Variants in GRIN2A observed in about 807,000 individuals in gnomAD.
The protein encoded by GRIN2A is glutamate ionotropic receptor NMDA type subunit 2A.
GRIN2A carries 22 observed loss-of-function variants against 113.4 expected under a neutral mutation model. That is an observed-to-expected ratio of 0.19 (90% confidence interval 0.14 to 0.28). GRIN2A has a LOEUF of 0.28. Among genes scored for constraint, GRIN2A ranks in the 10% least tolerant of loss-of-function variants. The pLI is 1.00. For synonymous variants in GRIN2A, 827 were observed against 738.4 expected, an observed-to-expected ratio of 1.12 and a Z score of -1.94; for missense variants, 1,502 against 1,887.0, an observed-to-expected ratio of 0.80 and a Z score of 3.78.
chr16:10,063,183 T>C (rs192642711), intron 2 of GRIN2A, among the ~76,000 whole-genome samples: 2 of 152,116 alleles, frequency 1.3e-5, no homozygotes, highest in Non-Finnish European at 2.9e-5. Flanking sequence ...TGGGTATACA[T>C]GGATATAAAA....
intron 11 of GRIN2A, among the ~76,000 whole-genome samples, chr16:9,779,955 G>C (rs1041138056): frequency 6.6e-6 from 1 of 152,198 alleles, no homozygotes; most frequent in Non-Finnish European, 1.5e-5. Flanking sequence ...CATTAAATCT[G>C]AGGTCAGGTT....
chr16:10,175,554 C>T (rs550078980), intron 2 of GRIN2A, among the ~76,000 whole-genome samples: 2 of 152,258 alleles, frequency 1.3e-5, no homozygotes, highest in South Asian at 4.2e-4. Context: ...AAGTGCTCTA[C>T]AATGAAAAGG....
chr16:10,020,480 C>T (rs369583127), intron 2 of GRIN2A, among the ~76,000 whole-genome samples: 11 of 152,190 alleles, frequency 7.2e-5, no homozygotes, highest in African/African-American at 2.4e-4. Flanking sequence ...GGGAGTTCTG[C>T]ACGTTATTAT....
chr16:9,878,058 T>A (rs2043406815), intron 4 of GRIN2A, among the ~76,000 whole-genome samples: 1 of 152,026 alleles, frequency 6.6e-6, no homozygotes, highest in Non-Finnish European at 1.5e-5. Context: ...ATTTAAATAA[T>A]CTATTTGCTC....
At chr16:9,773,302 G>A (rs2141163310) in intron 11 of GRIN2A, among the ~76,000 whole-genome samples, 1 of 152,346 alleles carries the variant, frequency 6.6e-6, no homozygotes, top group Middle Eastern at 3.4e-3. Context: ...AAGCAAAGGG[G>A]AACTTGCAGC....
intron 2 of GRIN2A, among the ~76,000 whole-genome samples, chr16:10,170,880 TAA>T (rs34463380): frequency 0.075 from 10,731 of 143,558 alleles, 413 homozygotes; most frequent in African/African-American, 0.11. Flanking sequence ...CTGTTTTCTT[TAA>T]AAAAAAAAAA....
At chr16:10,013,975 T>C (rs1445993233) in intron 2 of GRIN2A, among the ~76,000 whole-genome samples, 1 of 152,234 alleles carries the variant, frequency 6.6e-6, no homozygotes, top group Non-Finnish European at 1.5e-5. Flanking sequence ...GCTCCTCTGT[T>C]GAATGATATT....
At chr16:10,145,459 T>C (rs1426752349) in intron 2 of GRIN2A, among the ~76,000 whole-genome samples, 4 of 152,102 alleles carry the variant, frequency 2.6e-5, no homozygotes, top group Non-Finnish European at 5.9e-5. Context: ...TCAAATTATG[T>C]ATATTAAACA....
At chr16:9,989,502 C>T (rs1269165379) in intron 2 of GRIN2A, among the ~76,000 whole-genome samples, 1 of 151,878 alleles carries the variant, frequency 6.6e-6, no homozygotes, top group African/African-American at 2.4e-5. Flanking sequence ...ATGACTAAGT[C>T]CTCAAAAGCA....
intron 2 of GRIN2A, among the ~76,000 whole-genome samples, chr16:10,160,027 C>T (rs1233518442): frequency 6.6e-6 from 1 of 152,204 alleles, no homozygotes; most frequent in Admixed American, 6.5e-5. Flanking sequence ...AGAGGGAGCA[C>T]AGCTTTGCTG....
intron 3 of GRIN2A, among the ~76,000 whole-genome samples, chr16:9,931,116 G>A (rs1225709282): frequency 1.3e-5 from 2 of 152,072 alleles, no homozygotes; most frequent in African/African-American, 4.8e-5. Flanking sequence ...TTGTGCTATA[G>A]ATCTACTTGA....
At chr16:9,980,009 C>T (rs901030667) in intron 2 of GRIN2A, among the ~76,000 whole-genome samples, 1 of 151,566 alleles carries the variant, frequency 6.6e-6, no homozygotes, top group African/African-American at 2.4e-5. Flanking sequence ...CCTGTAATTC[C>T]AGCATTTTGG....
chr16:9,964,462 G>A (rs942572845), intron 2 of GRIN2A, among the ~76,000 whole-genome samples: 3 of 152,158 alleles, frequency 2.0e-5, no homozygotes, highest in Admixed American at 6.5e-5. Context: ...CAACTTGGCG[G>A]GGGCTTAAAT....
rs932897557 is a variant in GRIN2A at position 9,756,070 on chromosome 16, C to G, written c.*7079G>C. 3 of 224,658 alleles carry G rather than the reference C, an allele frequency of 1.3e-5. No homozygotes were observed. The highest frequency in any genetic ancestry group is 6.7e-5 in the African/African-American group (3 of 44,814). 13.9% of individuals were successfully genotyped at this position (224,658 alleles called of 1,614,324 possible). A position where few individuals can be genotyped will look rare whatever the true frequency, so the allele number is the denominator to read the frequency against. The stretch of plus-strand genomic sequence containing the variant: ...ATAGTCAACTTGCAAATAATATCAC[C>G]TCTTTGAACATGGGTCACAATATTT... On this transcript the variant is annotated 3_prime_UTR_variant, in exon 13 of 13. Coordinates refer to ENST00000330684, the MANE Select transcript of GRIN2A (RefSeq NM_001134407.3).
intron 5 of GRIN2A, among the ~76,000 whole-genome samples, chr16:9,848,528 A>G (rs947180874): frequency 6.6e-6 from 1 of 150,796 alleles, no homozygotes; most frequent in African/African-American, 2.4e-5. Context: ...ATGTATTTTT[A>G]ATATATAAAA....
rs1900826621 is a variant in GRIN2A, at chr16:9,764,957, G to C, written c.2596-9C>G. 6.2e-7 allele frequency: 1 copy of C among 1,613,818 alleles called. No homozygotes were observed. Among genetic ancestry groups the C allele is most frequent in the Non-Finnish European group, 8.5e-7 (1 of 1,180,012 alleles). On this transcript the variant is annotated splice_polypyrimidine_tract_variant and intron_variant, in intron 12 of 12. Transcript: ENST00000330684. ...ATGCAGCTGTAGATGCCCTGTAGGGGAGCAACATAAAGCACTGTCAGCAGC... is the reference window on the plus strand; with the variant it reads ...ATGCAGCTGTAGATGCCCTGTAGGGCAGCAACATAAAGCACTGTCAGCAGC...
intron 3 of GRIN2A, among the ~76,000 whole-genome samples, chr16:9,921,425 G>C (rs1252620021): frequency 6.6e-6 from 1 of 152,084 alleles, no homozygotes; most frequent in Non-Finnish European, 1.5e-5. Context: ...TCAGAAGATC[G>C]GGTGCTAAAG....
intron 4 of GRIN2A, among the ~76,000 whole-genome samples, chr16:9,885,021 GCCA>G (rs1234592220): frequency 3.9e-5 from 6 of 152,054 alleles, no homozygotes; most frequent in Admixed American, 3.3e-4. Context: ...ACAGGTGTGA[GCCA>G]CCGTGCCCGG....
chr16:10,107,823 C>A lies in GRIN2A; in HGVS notation c.414+72175G>T, dbSNP rs145011474. ...AAGCAACAAAAAGAAGAATCCATTT[C>A]ACAGGCATTTTTCAGTGCCTGTCTG... On this transcript the variant is annotated intron_variant, in intron 2 of 12. Coordinates refer to ENST00000330684, the MANE Select transcript of GRIN2A (RefSeq NM_001134407.3). Among the ~76,000 whole-genome samples the A allele has an allele frequency of 3.7e-3, 571 of 152,310 alleles. 3 individuals are homozygous for A. The highest frequency in any genetic ancestry group is 0.013 in the African/African-American group (538 of 41,558).
Sources: allele counts gnomAD v4.1 joint callset (sites outside exome capture counted in the v4.1 genomes callset), GRCh38; gene constraint gnomAD v4.1.1; transcripts MANE v1.5; gene names NCBI Gene and HGNC (gene_info 2026-07-23, HGNC 2026-07-21).